ARMC2: variants seen among roughly 807,000 people sequenced by gnomAD.
The protein encoded by ARMC2 is armadillo repeat containing 2.
A neutral mutation model predicts 90.3 loss-of-function variants in ARMC2; 67 were observed. The ratio of observed to expected loss-of-function variants is 0.74; its 90% CI spans 0.61 to 0.91. ARMC2 has a LOEUF of 0.91. Ranked by LOEUF, ARMC2 falls within the 40% of genes least tolerant of loss-of-function variation. The pLI, the probability that ARMC2 is intolerant of heterozygous loss-of-function variation, is 0.00. For missense variants in ARMC2, 920 were observed against 1,030.9 expected (o/e 0.89, Z 1.47); for synonymous variants, 393 against 393.0 (o/e 1.00, Z 0.00).
chr6:109,013,807 A>C, the ARMC2 span, among the ~76,000 whole-genome samples: 1 of 152,180 alleles, frequency 6.6e-6, no homozygotes, highest in Non-Finnish European at 1.5e-5. Context: ...AAAACGTTTC[A>C]TTTAGAACAA....
the ARMC2 span, among the ~76,000 whole-genome samples, chr6:108,984,472 A>G: frequency 6.6e-6 from 1 of 152,122 alleles, no homozygotes; most frequent in South Asian, 2.1e-4. Context: ...ATTAAAGGGC[A>G]CTAATCCCAT....
At chr6:108,934,151 T>G (rs1775788949) in intron 11 of ARMC2, among the ~76,000 whole-genome samples, 1 of 152,120 alleles carries the variant, frequency 6.6e-6, no homozygotes. Context: ...GTGAGCCACC[T>G]CGCCTGGCAT....
At chr6:108,869,856 A>G (rs1225273294) in intron 4 of ARMC2, among the ~76,000 whole-genome samples, 4 of 152,166 alleles carry the variant, frequency 2.6e-5, no homozygotes, top group South Asian at 4.1e-4. Flanking sequence ...CAAACTGTGG[A>G]AAAGGACCCA....
At chr6:109,029,251 G>C in the ARMC2 span, among the ~76,000 whole-genome samples, 9 of 152,090 alleles carry the variant, frequency 5.9e-5, no homozygotes, top group Non-Finnish European at 1.0e-4. Flanking sequence ...ACTCTTCCTA[G>C]CCACTGATGA....
intron 3 of ARMC2, among the ~76,000 whole-genome samples, chr6:108,860,661 C>CA (rs61194526): frequency 0.27 from 16,201 of 59,634 alleles, 1,672 homozygotes; most frequent in Middle Eastern, 0.31. Context: ...GACTCCATCT[C>CA]AAAAAAAAAA....
At chr6:108,909,547 A>C (rs1024089061) in intron 8 of ARMC2, among the ~76,000 whole-genome samples, 2 of 150,548 alleles carry the variant, frequency 1.3e-5, no homozygotes, top group Admixed American at 6.6e-5. Context: ...TTCTTTTTTT[A>C]TTTTTTGACA....
chr6:108,892,165 T>G (rs1225598121), intron 5 of ARMC2, among the ~76,000 whole-genome samples: 1 of 152,110 alleles, frequency 6.6e-6, no homozygotes, highest in Non-Finnish European at 1.5e-5. Flanking sequence ...CAAGGCCTTG[T>G]CCCTAGTCTC....
In ARMC2 at chr6:108,865,226, C is replaced by A. The variant is rs549678420; in HGVS notation, c.292-3598C>A. 4.1e-3 allele frequency among the ~76,000 whole-genome samples: 618 copies of A among 151,790 alleles called. 2 individuals are homozygous for A. Among genetic ancestry groups the A allele is most frequent in the African/African-American group, 0.014 (580 of 41,346 alleles). The stretch of plus-strand genomic sequence containing the variant: ...TTGAACTCCTGACCTCAGGTGATCC[C>A]CCCGCCTCAGCCTCCCAAAGTGCTG... On this transcript the variant is annotated intron_variant, in intron 3 of 17. Transcript: ENST00000392644.
At chr6:108,923,761 A>T (rs1230831094) in intron 10 of ARMC2, among the ~76,000 whole-genome samples, 2 of 151,908 alleles carry the variant, frequency 1.3e-5, no homozygotes, top group Non-Finnish European at 2.9e-5. Flanking sequence ...TCAGAGCTGC[A>T]TCTGCGTGGT....
At chr6:108,963,694 A>G (rs2128513901) in intron 15 of ARMC2, among the ~76,000 whole-genome samples, 1 of 152,302 alleles carries the variant, frequency 6.6e-6, no homozygotes, top group East Asian at 1.9e-4. Context: ...AGATGTCCCT[A>G]CACTGGAAGG....
chr6:109,016,098 A>T, the ARMC2 span, among the ~76,000 whole-genome samples: 2 of 152,220 alleles, frequency 1.3e-5, no homozygotes, highest in African/African-American at 4.8e-5. Flanking sequence ...CCATTTAACC[A>T]TAGGATTTTT....
chr6:109,026,680 T>C, the ARMC2 span, among the ~76,000 whole-genome samples: 2 of 152,054 alleles, frequency 1.3e-5, no homozygotes, highest in African/African-American at 4.8e-5. Context: ...AATTTTTGTA[T>C]TTTTAGTAGC....
At position 108,928,108 on chromosome 6, in the gene ARMC2, C is replaced by T. The variant is rs759754320; in HGVS notation, c.1371C>T (p.Asn457=). Residue 457 remains asparagine (N), a synonymous_variant, in exon 11 of 18, where the codon AAC becomes AAT. Transcript: ENST00000392644. ...LLVQVTATLR[N]LVDSSLVRSK... is the part of the protein sequence containing the mutation. ...CCTAGGTGACTGCTACATTGAGAAA[C>T]TTGGTTGATTCATCATTAGTAAGAA... is the stretch of plus-strand genomic sequence containing the variant. 43 of 1,604,704 alleles carry T rather than the reference C, an allele frequency of 2.7e-5. No individual in the cohort carries two copies. Among genetic ancestry groups the T allele is most frequent in the Non-Finnish European group, 3.6e-5 (42 of 1,177,430 alleles).
the ARMC2 span, among the ~76,000 whole-genome samples, chr6:109,033,657 G>T: frequency 0.076 from 11,585 of 152,088 alleles, 1,012 homozygotes; most frequent in African/African-American, 0.21. Flanking sequence ...ATTTTCATTT[G>T]TAAAATGGGA....
chr6:108,869,262 CTT>C (rs771736921), intron 4 of ARMC2, among the ~76,000 whole-genome samples: 92 of 152,334 alleles, frequency 6.0e-4, no homozygotes, highest in Non-Finnish European at 1.1e-3. Context: ...AATCCCAGCA[CTT>C]TGGGAGGCCA....
intron 14 of ARMC2, 66 bp downstream of exon 14, chr6:108,961,760 C>T (rs1778017025): frequency 1.3e-6 from 2 of 1,491,502 alleles, no homozygotes; most frequent in Middle Eastern, 2.4e-4. Context: ...ATTAACTAAA[C>T]ACAGAGCAGG....
At chr6:108,950,584 G>T (rs1777113868) in intron 12 of ARMC2, among the ~76,000 whole-genome samples, 1 of 152,124 alleles carries the variant, frequency 6.6e-6, no homozygotes, top group Non-Finnish European at 1.5e-5. Flanking sequence ...GAGAACTCAT[G>T]GACACAAAGA....
intron 15 of ARMC2, 26 bp from the exon 16 acceptor site, chr6:108,964,154 T>A (rs1347709988): frequency 3.7e-6 from 6 of 1,602,580 alleles, no homozygotes; most frequent in African/African-American, 1.3e-5. Context: ...CTTTTACTGG[T>A]CTGCATTTGC....
chr6:108,993,326 G>T, the ARMC2 span, among the ~76,000 whole-genome samples: 1 of 152,140 alleles, frequency 6.6e-6, no homozygotes, highest in East Asian at 1.9e-4. Flanking sequence ...ATCAAAGAAA[G>T]AAATCCCATG....
Sources: gnomAD v4.1 joint callset for allele counts (sites outside exome capture counted in the v4.1 genomes callset) on GRCh38, gnomAD v4.1.1 for gene constraint, MANE v1.5 for transcripts, NCBI Gene and HGNC (gene_info 2026-07-23, HGNC 2026-07-21) for gene names.